CACNB4: variants seen among roughly 807,000 people sequenced by gnomAD.
CACNB4 encodes calcium voltage-gated channel auxiliary subunit beta 4.
CACNB4 carries 32 observed loss-of-function variants against 71.2 expected under a neutral mutation model. That is an observed-to-expected ratio of 0.45 (90% confidence interval 0.34 to 0.60). CACNB4 has a LOEUF of 0.60. Among genes scored for constraint, CACNB4 ranks in the 20% least tolerant of loss-of-function variants. The probability of loss-of-function intolerance (pLI) is 0.01; values close to 1 mark genes in which losing one functional copy is unlikely to be tolerated. For synonymous variants in CACNB4, 231 were observed against 236.9 expected, an observed-to-expected ratio of 0.97 and a Z score of 0.23; for missense variants, 464 against 647.9, an observed-to-expected ratio of 0.72 and a Z score of 3.08.
chr2:151,959,479 G>A (rs988439543), intron 2 of CACNB4, among the ~76,000 whole-genome samples: 4 of 152,208 alleles, frequency 2.6e-5, no homozygotes, highest in African/African-American at 9.6e-5. Context: ...CCACATTTGA[G>A]TTGGCTGCTG....
chr2:152,005,584 G>C (rs2151787158), intron 2 of CACNB4, among the ~76,000 whole-genome samples: 1 of 152,230 alleles, frequency 6.6e-6, no homozygotes, highest in African/African-American at 2.4e-5. Flanking sequence ...CTGGGTGAAG[G>C]GATCCATAGA....
chr2:152,015,181 G>A (rs1683274032), intron 2 of CACNB4, among the ~76,000 whole-genome samples: 1 of 151,934 alleles, frequency 6.6e-6, no homozygotes, highest in Non-Finnish European at 1.5e-5. Flanking sequence ...TGCCCAGGCT[G>A]GAGTGCAGTG....
intron 2 of CACNB4, among the ~76,000 whole-genome samples, chr2:151,998,406 T>C (rs1258307357): frequency 6.6e-6 from 1 of 151,840 alleles, no homozygotes; most frequent in Non-Finnish European, 1.5e-5. Flanking sequence ...GAATATCATC[T>C]GAGGTAGCAA....
intron 2 of CACNB4, among the ~76,000 whole-genome samples, chr2:152,013,571 G>C (rs184401710): frequency 3.3e-5 from 5 of 152,076 alleles, no homozygotes; most frequent in Non-Finnish European, 7.4e-5. Flanking sequence ...TAGCAGAGAG[G>C]CTCTGCAGAG....
chr2:151,882,949 G>A, intron 3 of CACNB4: 2 of 394,186 alleles, frequency 5.1e-6, no homozygotes, highest in Non-Finnish European at 9.6e-6. Context: ...GGCAGGGCCA[G>A]CTGGTGCCTG....
intron 13 of CACNB4, among the ~76,000 whole-genome samples, 194 bp from the exon 14 acceptor site, chr2:151,839,573 A>G (rs2099835638): frequency 6.6e-6 from 1 of 152,222 alleles, no homozygotes; most frequent in Admixed American, 6.5e-5. Context: ...AAGATGCCAG[A>G]GTGTTGATAG....
chr2:152,012,865 A>G (rs767255597), intron 2 of CACNB4, among the ~76,000 whole-genome samples: 3 of 152,000 alleles, frequency 2.0e-5, no homozygotes, highest in Non-Finnish European at 4.4e-5. Flanking sequence ...GTGGACAGTA[A>G]TGTCCCTGGC....
intron 12 of CACNB4, among the ~76,000 whole-genome samples, chr2:151,848,625 T>C (rs2151335927): frequency 6.6e-6 from 1 of 152,292 alleles, no homozygotes; most frequent in South Asian, 2.1e-4. Context: ...CCATGGTTAC[T>C]GTAACATTAG....
At chr2:152,032,045 G>A (rs898421908) in intron 2 of CACNB4, among the ~76,000 whole-genome samples, 2 of 152,142 alleles carry the variant, frequency 1.3e-5, no homozygotes, top group East Asian at 1.9e-4. Context: ...TTGATGATTC[G>A]AGTGTCTGGA....
chr2:151,946,329 C>CA (rs553499003), intron 2 of CACNB4, among the ~76,000 whole-genome samples: 14,783 of 132,336 alleles, frequency 0.11, 1,547 homozygotes, highest in East Asian at 0.55. Flanking sequence ...AACTCTGTCG[C>CA]AAAAAAAAAA....
rs112006175 is a variant in CACNB4 at position 151,950,243 on chromosome 2, T to G, written c.148-66873A>C. 8.4e-3 allele frequency among the ~76,000 whole-genome samples: 1,281 copies of G among 152,152 alleles called. 14 individuals are homozygous for G. The highest frequency in any genetic ancestry group is 0.029 in the African/African-American group (1,201 of 41,494). On this transcript the variant is annotated intron_variant, in intron 2 of 13. Coordinates refer to ENST00000539935, the MANE Select transcript of CACNB4 (RefSeq NM_000726.5). The stretch of plus-strand genomic sequence containing the variant: ...CCCCTACACATACAGAGCCATATTT[T>G]TATTTCTCAATAAAGGCATCCTAAT...
At chr2:151,873,822 T>C (rs1257142787) in intron 5 of CACNB4, 1 of 152,064 alleles carries the variant, frequency 6.6e-6, no homozygotes, top group Non-Finnish European at 1.5e-5. Flanking sequence ...TGGATCTGTG[T>C]CCCCCGCAAA....
At chr2:151,984,496 C>G (rs1007200318) in intron 2 of CACNB4, among the ~76,000 whole-genome samples, 1 of 152,282 alleles carries the variant, frequency 6.6e-6, no homozygotes. Flanking sequence ...AGAATACTAA[C>G]ATATTAAACA....
intron 2 of CACNB4, among the ~76,000 whole-genome samples, chr2:151,961,072 A>G (rs1465378617): frequency 3.3e-5 from 5 of 152,208 alleles, no homozygotes; most frequent in African/African-American, 9.7e-5. Context: ...TCCTCTTAGC[A>G]TTCCCACCCC....
intron 2 of CACNB4, among the ~76,000 whole-genome samples, chr2:152,083,949 C>T (rs530888516): frequency 6.6e-6 from 1 of 152,302 alleles, no homozygotes; most frequent in East Asian, 1.9e-4. Flanking sequence ...CTTTCCTCCT[C>T]CTCCTTTTAC....
chr2:151,927,539 T>C (rs1008804353), intron 2 of CACNB4, among the ~76,000 whole-genome samples: 4 of 152,026 alleles, frequency 2.6e-5, no homozygotes, highest in South Asian at 2.1e-4. Context: ...GTGCTGGAGT[T>C]TGGGGAAAGA....
At chr2:151,933,598 C>T (rs2099862165) in intron 2 of CACNB4, among the ~76,000 whole-genome samples, 1 of 152,222 alleles carries the variant, frequency 6.6e-6, no homozygotes, top group Non-Finnish European at 1.5e-5. Context: ...GTCTGAGCAA[C>T]ATCAAGTCTT....
intron 2 of CACNB4, among the ~76,000 whole-genome samples, chr2:152,012,603 C>CAAAA (rs35418691): frequency 1.6e-5 from 2 of 123,440 alleles, no homozygotes; most frequent in African/African-American, 7.0e-5. Flanking sequence ...CGCTCCATCT[C>CAAAA]AAAAAAAAAA....
intron 2 of CACNB4, among the ~76,000 whole-genome samples, chr2:152,050,083 T>C (rs1339987157): frequency 1.3e-5 from 2 of 152,272 alleles, no homozygotes; most frequent in African/African-American, 4.8e-5. Flanking sequence ...TTTGGCATGT[T>C]GGGTGAAAGC....
Sources: gnomAD v4.1 joint callset for allele counts (sites outside exome capture counted in the v4.1 genomes callset) on GRCh38, gnomAD v4.1.1 for gene constraint, MANE v1.5 for transcripts, NCBI Gene and HGNC (gene_info 2026-07-23, HGNC 2026-07-21) for gene names.